COL11A1: variants seen among roughly 807,000 people sequenced by gnomAD.
COL11A1 encodes the protein collagen type XI alpha 1 chain, also known as collagen alpha-1(XI) chain.
A neutral mutation model predicts 265.2 loss-of-function variants in COL11A1; 74 were observed. The observed-to-expected ratio is 0.28, with a 90% confidence interval of 0.23 to 0.34. COL11A1 has a LOEUF of 0.34. Ranked by LOEUF, COL11A1 falls within the 10% of genes least tolerant of loss-of-function variation. The pLI is 1.00. For missense variants in COL11A1, 2,165 were observed against 2,263.6 expected, an observed-to-expected ratio of 0.96 and a Z score of 0.88; for synonymous variants, 816 against 727.6, an observed-to-expected ratio of 1.12 and a Z score of -1.96.
chr1:102,907,507 T>C (rs1023787907), intron 54 of COL11A1, among the ~76,000 whole-genome samples: 28 of 152,046 alleles, frequency 1.8e-4, no homozygotes, highest in Non-Finnish European at 3.7e-4. Flanking sequence ...CCACTTTTTT[T>C]CCACAGAAGT....
intron 8 of COL11A1, among the ~76,000 whole-genome samples, chr1:103,022,013 AT>A (rs11381607): frequency 2.8e-4 from 39 of 139,568 alleles, no homozygotes; most frequent in South Asian, 4.6e-4. Context: ...CACCTAGCTA[AT>A]TTTTTTTTTT....
intron 4 of COL11A1, among the ~76,000 whole-genome samples, chr1:103,061,851 G>A (rs1670701940): frequency 6.6e-6 from 1 of 151,882 alleles, no homozygotes; most frequent in South Asian, 2.1e-4. Context: ...TACACCAGAA[G>A]TAATAAAACA....
intron 4 of COL11A1, 77 bp downstream of exon 4, chr1:103,074,541 A>C: frequency 6.5e-7 from 1 of 1,532,342 alleles, no homozygotes; most frequent in Non-Finnish European, 9.0e-7. Flanking sequence ...GTATTGCTAT[A>C]AAGCGATATT....
At chr1:103,054,205 C>A (rs1670046763) in intron 4 of COL11A1, among the ~76,000 whole-genome samples, 1 of 152,114 alleles carries the variant, frequency 6.6e-6, no homozygotes, top group Admixed American at 6.6e-5. Flanking sequence ...TGTTTTAATA[C>A]ATTATACAAA....
intron 1 of COL11A1, among the ~76,000 whole-genome samples, chr1:103,086,872 CTTAAGT>C (rs1023440829): frequency 5.3e-5 from 8 of 151,796 alleles, no homozygotes; most frequent in African/African-American, 1.2e-4. Flanking sequence ...TAATTAAGTC[CTTAAGT>C]TTATTTTATT....
At position 102,914,685 on chromosome 1, in the gene COL11A1, G is replaced by C. The variant is rs77901108; in HGVS notation, c.3924+19C>G. 6.3e-7 allele frequency: 1 copy of C among 1,585,826 alleles called. No individual in the cohort carries two copies. The highest frequency in any genetic ancestry group is 2.2e-5 in the East Asian group (1 of 44,668). On this transcript the variant is annotated intron_variant, in intron 51 of 66. Coordinates refer to ENST00000370096, the MANE Select transcript of COL11A1 (RefSeq NM_001854.4). ...AGTTTGGCATAAATGCCACATTAGA[G>C]GGGACCAAACTCACTTACCGGGTTA...
chr1:102,879,942 C>T (rs2101008195), intron 65 of COL11A1, 26 bp from the exon 66 acceptor site: 3 of 1,416,542 alleles, frequency 2.1e-6, no homozygotes, highest in East Asian at 4.6e-5. Context: ...TAAAAAGACA[C>T]CTAATGACTC....
At chr1:102,980,104 T>A (rs1266538022) in intron 31 of COL11A1, among the ~76,000 whole-genome samples, 1 of 152,120 alleles carries the variant, frequency 6.6e-6, no homozygotes, top group African/African-American at 2.4e-5. Flanking sequence ...GTAAGTTTGG[T>A]ACATTACTTA....
intron 1 of COL11A1, among the ~76,000 whole-genome samples, chr1:103,085,039 G>T (rs549344335): frequency 4.0e-4 from 61 of 152,284 alleles, no homozygotes; most frequent in African/African-American, 1.3e-3. Context: ...AATGACGGTG[G>T]TCATAGTAGT....
intron 20 of COL11A1, among the ~76,000 whole-genome samples, chr1:103,003,821 C>T (rs777678042): frequency 2.0e-5 from 3 of 152,134 alleles, no homozygotes; most frequent in Non-Finnish European, 2.9e-5. Flanking sequence ...CCCCCTCCTG[C>T]ACCTGCTCAC....
intron 4 of COL11A1, among the ~76,000 whole-genome samples, chr1:103,041,704 C>A (rs942488253): frequency 1.3e-5 from 2 of 151,490 alleles, no homozygotes; most frequent in African/African-American, 2.4e-5. Context: ...TTTTCAAATT[C>A]TGAAACAAAA....
chr1:103,108,035 C>T, intron 1 of COL11A1, 38 bp downstream of exon 1: 4 of 1,495,250 alleles, frequency 2.7e-6, no homozygotes, highest in Middle Eastern at 3.5e-4. Flanking sequence ...GTAGGACCGA[C>T]GGCAATCTCC....
intron 4 of COL11A1, among the ~76,000 whole-genome samples, chr1:103,053,006 T>C (rs1669952457): frequency 6.6e-6 from 1 of 152,210 alleles, no homozygotes; most frequent in Admixed American, 6.5e-5. Context: ...ATAATAGACC[T>C]TAAAAGGGGG....
At position 103,001,264 on chromosome 1, in the gene COL11A1, A is replaced by T. The variant is rs143763717; in HGVS notation, c.2142+661T>A. ...AAACAAGGGAATATTTATAGTATTT[A>T]AATTACACTTCGATAAAGCTATTAG... On this transcript the variant is annotated intron_variant, in intron 24 of 66. Transcript: ENST00000370096. 1.6e-3 allele frequency: 623 copies of T among 397,376 alleles called. 12 individuals are homozygous for T. The East Asian group carries it at 0.022, about 14-fold the overall frequency. The allele number at this position is 397,376 out of a possible 1,614,324, so 24.6% of individuals were successfully genotyped here.
At chr1:102,973,856 T>G (rs1386242647) in intron 36 of COL11A1, among the ~76,000 whole-genome samples, 1 of 152,232 alleles carries the variant, frequency 6.6e-6, no homozygotes, top group African/African-American at 2.4e-5. Flanking sequence ...AAGGATTGTC[T>G]TAATATTTGA....
intron 57 of COL11A1, among the ~76,000 whole-genome samples, chr1:102,895,896 G>A (rs1028344604): frequency 6.6e-6 from 1 of 151,080 alleles, no homozygotes; most frequent in Non-Finnish European, 1.5e-5. Context: ...TGCTTTAATA[G>A]TCAACAACTT....
chr1:103,073,368 G>A (rs1450719220), intron 4 of COL11A1, among the ~76,000 whole-genome samples: 1 of 151,622 alleles, frequency 6.6e-6, no homozygotes, highest in Admixed American at 6.6e-5. Flanking sequence ...TTTATGAATA[G>A]TTTTATTTTT....
At chr1:102,996,494 A>G (rs977139920) in intron 26 of COL11A1, among the ~76,000 whole-genome samples, 1 of 151,796 alleles carries the variant, frequency 6.6e-6, no homozygotes, top group African/African-American at 2.4e-5. Flanking sequence ...TATATCTTCC[A>G]AAAGCTGGTT....
chr1:102,886,943 A>G lies in COL11A1; in HGVS notation c.4722T>C (p.Asp1574=). 1 of 1,613,920 alleles carries G rather than the reference A, an allele frequency of 6.2e-7. No individual in the cohort carries two copies. Reference sequence around the variant, plus strand: ...GGGAACCAAATATTTCTTCCATTCCATCCGAGTAATCAAGAATATTATCAT... The same window carrying G: ...GGGAACCAAATATTTCTTCCATTCCGTCCGAGTAATCAAGAATATTATCAT... ...DADDNILDYS[D]GMEEIFGSLN... is the part of the protein sequence containing the mutation. The change falls in exon 63 of 67, where the codon GAT becomes GAC. Residue 1574 remains aspartate (D), a synonymous_variant. Coordinates refer to ENST00000370096, the MANE Select transcript of COL11A1 (RefSeq NM_001854.4).
Sources: allele counts gnomAD v4.1 joint callset (sites outside exome capture counted in the v4.1 genomes callset), GRCh38; gene constraint gnomAD v4.1.1; transcripts MANE v1.5; gene names NCBI Gene and HGNC (gene_info 2026-07-23, HGNC 2026-07-21).